The following CAP2 variants were observed in gnomAD, a reference collection of about 807,000 sequenced individuals.
CAP2 encodes the protein cyclase associated actin cytoskeleton regulatory protein 2.
CAP2 carries 24 observed loss-of-function variants against 57.7 expected under a neutral mutation model. That is an observed-to-expected ratio of 0.42 (90% confidence interval 0.30 to 0.58). CAP2 has a LOEUF of 0.58. Ranked by LOEUF, CAP2 falls within the 20% of genes least tolerant of loss-of-function variation. The probability of loss-of-function intolerance (pLI) is 0.22; values close to 1 mark genes in which losing one functional copy is unlikely to be tolerated. For synonymous variants in CAP2, 194 were observed against 207.2 expected, an observed-to-expected ratio of 0.94 and a Z score of 0.55; for missense variants, 501 against 590.3, an observed-to-expected ratio of 0.85 and a Z score of 1.57.
chr6:17,512,028 T>C (rs560525300), intron 6 of CAP2, among the ~76,000 whole-genome samples: 11 of 151,258 alleles, frequency 7.3e-5, no homozygotes, highest in African/African-American at 2.2e-4. Flanking sequence ...TAATACTGCA[T>C]TGGTTAAAAA....
rs189396122 is a variant in CAP2 at position 17,518,555 on chromosome 6, T to C, written c.636+4601T>C. Among the ~76,000 whole-genome samples, 436 of 152,342 alleles carry C rather than the reference T, an allele frequency of 2.9e-3. 3 individuals carry two copies. Among genetic ancestry groups the C allele is most frequent in the African/African-American group, 9.8e-3 (407 of 41,584 alleles). ...CTGTAAAAACTATGTATTTATAAAA[T>C]GATAAATATCATGAAAGACTATAGA... On this transcript the variant is annotated intron_variant, in intron 7 of 12. Coordinates refer to ENST00000229922, the MANE Select transcript of CAP2 (RefSeq NM_006366.3).
rs1401645777 is a variant in CAP2, at chr6:17,459,566, G to A, written c.223-3430G>A. Among the ~76,000 whole-genome samples, 4 of 152,190 alleles carry A rather than the reference G, an allele frequency of 2.6e-5. No homozygotes were observed. The East Asian group carries it at 5.8e-4, about 22-fold the overall frequency. On this transcript the variant is annotated intron_variant, in intron 3 of 12. Transcript: ENST00000229922. ...AATAGTATTTAAGGAACAGAAACAG[G>A]TTCCTCAATAAGAAGATAACTTGTA...
intron 4 of CAP2, among the ~76,000 whole-genome samples, chr6:17,503,079 G>GT (rs1490223488): frequency 6.6e-6 from 1 of 152,140 alleles, no homozygotes; most frequent in Non-Finnish European, 1.5e-5. Flanking sequence ...GTTTAGAGGG[G>GT]TTTTTGTTTG....
chr6:17,451,656 C>A (rs990243338), intron 3 of CAP2, among the ~76,000 whole-genome samples: 1 of 151,972 alleles, frequency 6.6e-6, no homozygotes, highest in Non-Finnish European at 1.5e-5. Context: ...ATTACAGGAA[C>A]CCGCCACCAC....
chr6:17,398,563 C>T (rs34726599), intron 1 of CAP2, among the ~76,000 whole-genome samples: 33,081 of 149,656 alleles, frequency 0.22, 4,115 homozygotes, highest in South Asian at 0.3. Flanking sequence ...CTTGCTCTGT[C>T]GCCCAGGCTG....
At chr6:17,547,657 C>T (rs1001710508) in intron 11 of CAP2, among the ~76,000 whole-genome samples, 73 of 151,986 alleles carry the variant, frequency 4.8e-4, no homozygotes, top group South Asian at 2.7e-3. Context: ...CTGGCTAACA[C>T]AGTGAAACCC....
At chr6:17,434,748 A>C (rs982175690) in intron 3 of CAP2, among the ~76,000 whole-genome samples, 2 of 152,118 alleles carry the variant, frequency 1.3e-5, no homozygotes, top group Non-Finnish European at 2.9e-5. Context: ...CTAAACGGTC[A>C]CTTCATTATG....
intron 7 of CAP2, among the ~76,000 whole-genome samples, chr6:17,524,454 G>A (rs1190773974): frequency 1.3e-5 from 2 of 152,180 alleles, no homozygotes; most frequent in East Asian, 1.9e-4. Context: ...TTGCCCAGGC[G>A]AGAATTCAAG....
intron 1 of CAP2, among the ~76,000 whole-genome samples, chr6:17,396,509 A>T (rs1450708535): frequency 6.6e-6 from 1 of 152,216 alleles, no homozygotes; most frequent in East Asian, 1.9e-4. Flanking sequence ...ACATCGATGA[A>T]TCTTGAAAAC....
chr6:17,533,167 A>G (rs376113126), intron 7 of CAP2, among the ~76,000 whole-genome samples: 1 of 152,026 alleles, frequency 6.6e-6, no homozygotes, highest in African/African-American at 2.4e-5. Flanking sequence ...TTCAAGAAGT[A>G]ACATTTAATG....
intron 4 of CAP2, among the ~76,000 whole-genome samples, chr6:17,499,008 CG>C (rs1761735391): frequency 2.0e-5 from 3 of 151,740 alleles, no homozygotes; most frequent in African/African-American, 4.8e-5. Flanking sequence ...TGATTACAGG[CG>C]TGAGCCACCA....
intron 3 of CAP2, among the ~76,000 whole-genome samples, chr6:17,444,082 A>T: frequency 6.6e-6 from 1 of 152,242 alleles, no homozygotes; most frequent in East Asian, 1.9e-4. Flanking sequence ...ATATACAGGT[A>T]AAGTAGCATG....
At chr6:17,442,617 G>A (rs917994188) in intron 3 of CAP2, among the ~76,000 whole-genome samples, 6 of 152,144 alleles carry the variant, frequency 3.9e-5, no homozygotes, top group Non-Finnish European at 8.8e-5. Flanking sequence ...GCTGGGTGTG[G>A]TGGTTCAGGC....
At chr6:17,541,579 C>CA (rs200881678) in intron 9 of CAP2, among the ~76,000 whole-genome samples, 160 of 149,156 alleles carry the variant, frequency 1.1e-3, no homozygotes, top group Middle Eastern at 6.8e-3. Flanking sequence ...GACTCTGTCT[C>CA]AAAAAAAAAG....
intron 1 of CAP2, among the ~76,000 whole-genome samples, chr6:17,410,828 G>A (rs1759125078): frequency 6.6e-6 from 1 of 152,100 alleles, no homozygotes; most frequent in Admixed American, 6.5e-5. Context: ...CAAAGTGCTG[G>A]GACTACAGGC....
chr6:17,520,392 G>A lies in CAP2; in HGVS notation c.636+6438G>A, dbSNP rs556717814. On this transcript the variant is annotated intron_variant, in intron 7 of 12. Coordinates refer to ENST00000229922, the MANE Select transcript of CAP2 (RefSeq NM_006366.3). Reference sequence around the variant, plus strand: ...CCCTAAGTGCTAGGATGATAAGCATGGTAGGATGATAAGCTGCACCCAGCC... The same window carrying A: ...CCCTAAGTGCTAGGATGATAAGCATAGTAGGATGATAAGCTGCACCCAGCC... 7.2e-5 allele frequency among the ~76,000 whole-genome samples: 11 copies of A among 152,188 alleles called. No individual in the cohort carries two copies. The South Asian group carries it at 2.3e-3, about 32-fold the overall frequency.
intron 4 of CAP2, among the ~76,000 whole-genome samples, chr6:17,492,937 A>G (rs1761579671): frequency 1.3e-5 from 2 of 152,206 alleles, no homozygotes; most frequent in South Asian, 4.1e-4. Flanking sequence ...ATATTGTAAC[A>G]GATAAAAAGA....
chr6:17,543,178 CAG>C (rs1275197368), intron 11 of CAP2, 35 bp downstream of exon 11: 1 of 1,545,756 alleles, frequency 6.5e-7, no homozygotes, highest in Non-Finnish European at 8.9e-7. Flanking sequence ...CTGTAATAAG[CAG>C]AGCCTTTCCA....
At chr6:17,426,536 G>A in intron 2 of CAP2, 54 bp from the exon 3 acceptor site, 1 of 1,343,714 alleles carries the variant, frequency 7.4e-7, no homozygotes, top group Non-Finnish European at 1.1e-6. Flanking sequence ...TGCCCGGCTA[G>A]TCCCAGGTTT....
Sources: gnomAD v4.1 joint callset for allele counts (sites outside exome capture counted in the v4.1 genomes callset) on GRCh38, gnomAD v4.1.1 for gene constraint, MANE v1.5 for transcripts, NCBI Gene and HGNC (gene_info 2026-07-23, HGNC 2026-07-21) for gene names.